The following PACRG variants were observed in gnomAD, a reference collection of about 807,000 sequenced individuals.
PACRG encodes parkin coregulated, also known as parkin coregulated gene protein.
Under a neutral mutation model 29.7 loss-of-function variants are expected in PACRG, and 29 were observed. That is an observed-to-expected ratio of 0.98 (90% CI 0.73 to 1.33). PACRG has a LOEUF of 1.33. Among genes scored for constraint, PACRG ranks in the 40% most tolerant of loss-of-function variants. The pLI is 0.00. For synonymous variants in PACRG, 116 were observed against 118.7 expected, an observed-to-expected ratio of 0.98 and a Z score of 0.15; for missense variants, 279 against 316.2, an observed-to-expected ratio of 0.88 and a Z score of 0.89.
At chr6:162,983,279 A>G (rs1802585720) in intron 2 of PACRG, among the ~76,000 whole-genome samples, 1 of 152,040 alleles carries the variant, frequency 6.6e-6, no homozygotes, top group South Asian at 2.1e-4. Flanking sequence ...GTATCTTTTA[A>G]GTGGAGCATT....
At chr6:163,179,813 A>G (rs1779567427) in intron 4 of PACRG, among the ~76,000 whole-genome samples, 1 of 152,162 alleles carries the variant, frequency 6.6e-6, no homozygotes, top group Non-Finnish European at 1.5e-5. Flanking sequence ...GGATCCAAGT[A>G]TAAGCTCTGA....
At chr6:162,841,473 G>T (rs1002831479) in intron 2 of PACRG, among the ~76,000 whole-genome samples, 2 of 152,022 alleles carry the variant, frequency 1.3e-5, no homozygotes, top group Non-Finnish European at 2.9e-5. Flanking sequence ...GCATCTATTA[G>T]ATTTTTCTCT....
intron 4 of PACRG, among the ~76,000 whole-genome samples, chr6:163,303,768 G>T (rs961953962): frequency 1.4e-4 from 21 of 152,002 alleles, no homozygotes; most frequent in African/African-American, 2.9e-4. Flanking sequence ...CAGCACTTTG[G>T]GGGGCTGAGA....
intron 4 of PACRG, among the ~76,000 whole-genome samples, chr6:163,159,629 A>C (rs1224464749): frequency 6.6e-6 from 1 of 152,092 alleles, no homozygotes. Flanking sequence ...AGTTCTTTAC[A>C]TACATTATCT....
chr6:163,191,185 C>G (rs1780193155), intron 4 of PACRG, among the ~76,000 whole-genome samples: 1 of 152,156 alleles, frequency 6.6e-6, no homozygotes, highest in Non-Finnish European at 1.5e-5. Context: ...CTTAAATGGA[C>G]ACTAGACCTC....
chr6:162,944,943 C>T (rs1798897641), intron 2 of PACRG, among the ~76,000 whole-genome samples: 1 of 151,966 alleles, frequency 6.6e-6, no homozygotes. Flanking sequence ...GAAAACCTCC[C>T]AAGTTTAGAA....
intron 2 of PACRG, among the ~76,000 whole-genome samples, chr6:162,951,887 A>G (rs1361138875): frequency 6.6e-6 from 1 of 152,164 alleles, no homozygotes; most frequent in Non-Finnish European, 1.5e-5. Flanking sequence ...AGCTTCCTCT[A>G]GCAGCCAACA....
At chr6:163,274,861 C>CTTTTTTTTTTTTT (rs58333018) in intron 4 of PACRG, among the ~76,000 whole-genome samples, 4 of 126,318 alleles carry the variant, frequency 3.2e-5, no homozygotes, top group South Asian at 2.5e-4. Flanking sequence ...TTCTTTCTTT[C>CTTTTTTTTTTTTT]TTTTTTTTTT....
At chr6:162,744,878 T>A (rs1780867162) in intron 1 of PACRG, among the ~76,000 whole-genome samples, 3 of 151,990 alleles carry the variant, frequency 2.0e-5, no homozygotes. Flanking sequence ...ATGGAGAAAA[T>A]GTCATCAAAA....
At chr6:163,117,323 G>A (rs537157858) in intron 4 of PACRG, among the ~76,000 whole-genome samples, 1 of 152,276 alleles carries the variant, frequency 6.6e-6, no homozygotes, top group South Asian at 2.1e-4. Flanking sequence ...TCAAGGGCAG[G>A]GGCCACCTAG....
intron 2 of PACRG, among the ~76,000 whole-genome samples, chr6:163,024,468 G>C (rs1806932737): frequency 6.6e-6 from 1 of 152,172 alleles, no homozygotes; most frequent in South Asian, 2.1e-4. Context: ...TGCTGTTATG[G>C]TTACTATAGG....
chr6:162,735,879 C>G (rs1250517979), intron 1 of PACRG, among the ~76,000 whole-genome samples: 1 of 151,526 alleles, frequency 6.6e-6, no homozygotes, highest in Non-Finnish European at 1.5e-5. Flanking sequence ...TAAATTGGAG[C>G]GATTGGAAAT....
chr6:163,216,420 G>A (rs1781366535), intron 4 of PACRG, among the ~76,000 whole-genome samples: 1 of 152,178 alleles, frequency 6.6e-6, no homozygotes, highest in African/African-American at 2.4e-5. Flanking sequence ...TTCACAGGCT[G>A]CTCTCAAGAG....
At chr6:162,758,956 A>G (rs560961294) in intron 1 of PACRG, among the ~76,000 whole-genome samples, 48 of 152,366 alleles carry the variant, frequency 3.2e-4, no homozygotes, top group African/African-American at 1.1e-3. Context: ...ATAAAAAATT[A>G]TAAGATTTTG....
At chr6:162,863,674 G>A (rs1229556578) in intron 2 of PACRG, among the ~76,000 whole-genome samples, 1 of 152,108 alleles carries the variant, frequency 6.6e-6, no homozygotes, top group Non-Finnish European at 1.5e-5. Context: ...TTTCATATGT[G>A]TTATTTCATT....
intron 2 of PACRG, chr6:162,891,882 G>A (rs1452012034): frequency 1.3e-5 from 2 of 152,250 alleles, no homozygotes; most frequent in African/African-American, 2.4e-5. Flanking sequence ...CCTTCATACT[G>A]GGCATTGCAG....
chr6:162,984,682 A>AT (rs1215923541), intron 2 of PACRG, among the ~76,000 whole-genome samples: 4 of 151,266 alleles, frequency 2.6e-5, no homozygotes, highest in South Asian at 2.1e-4. Context: ...AACATCTAGT[A>AT]TTTTTTTATT....
intron 2 of PACRG, among the ~76,000 whole-genome samples, chr6:162,967,776 G>C (rs965276230): frequency 6.6e-6 from 1 of 151,928 alleles, no homozygotes; most frequent in African/African-American, 2.4e-5. Context: ...CAACGTGCTA[G>C]GATTGAACTT....
chr6:163,310,678 C>G (rs1335558572), intron 4 of PACRG: 1 of 152,138 alleles, frequency 6.6e-6, no homozygotes, highest in African/African-American at 2.4e-5. Flanking sequence ...CTGTAATAGT[C>G]ATAACTAAAG....
Sources: gnomAD v4.1 joint callset for allele counts (sites outside exome capture counted in the v4.1 genomes callset) on GRCh38, gnomAD v4.1.1 for gene constraint, MANE v1.5 for transcripts, NCBI Gene and HGNC (gene_info 2026-07-23, HGNC 2026-07-21) for gene names.